Variants in MAP3K5 observed in about 807,000 individuals in gnomAD.
MAP3K5 encodes the protein ASK-1.
A neutral mutation model predicts 158.7 loss-of-function variants in MAP3K5; 56 were observed. The ratio of observed to expected loss-of-function variants is 0.35; its 90% CI spans 0.28 to 0.44. The LOEUF is 0.44. Ranked by LOEUF, MAP3K5 falls within the 20% of genes least tolerant of loss-of-function variation. The probability of loss-of-function intolerance (pLI) is 1.00; values close to 1 mark genes in which losing one functional copy is unlikely to be tolerated. For missense variants in MAP3K5, 1,294 were observed against 1,674.8 expected, an observed-to-expected ratio of 0.77 and a Z score of 3.97; for synonymous variants, 579 against 601.7, an observed-to-expected ratio of 0.96 and a Z score of 0.55.
At chr6:136,566,496 G>A (rs1316720710) in intron 26 of MAP3K5, among the ~76,000 whole-genome samples, 1 of 152,178 alleles carries the variant, frequency 6.6e-6, no homozygotes, top group Non-Finnish European at 1.5e-5. Context: ...TAACGATGGG[G>A]TGTTATCCTT....
intron 2 of MAP3K5, among the ~76,000 whole-genome samples, chr6:136,714,644 A>T (rs550045628): frequency 2.6e-5 from 4 of 152,310 alleles, no homozygotes; most frequent in African/African-American, 9.6e-5. Flanking sequence ...TTGGCTACTA[A>T]GAATAATGCT....
chr6:136,643,163 T>G (rs906986388), intron 11 of MAP3K5, among the ~76,000 whole-genome samples: 2 of 152,204 alleles, frequency 1.3e-5, no homozygotes, highest in Non-Finnish European at 2.9e-5. Context: ...CATCAAAAAT[T>G]TGATTGTCAT....
chr6:136,746,307 A>C (rs1366155060), intron 1 of MAP3K5, among the ~76,000 whole-genome samples: 1 of 152,124 alleles, frequency 6.6e-6, no homozygotes, highest in Non-Finnish European at 1.5e-5. Context: ...AGGAAAATAC[A>C]AATACGTTCA....
At chr6:136,786,407 G>T (rs1394104185) in intron 1 of MAP3K5, among the ~76,000 whole-genome samples, 1 of 151,136 alleles carries the variant, frequency 6.6e-6, no homozygotes, top group East Asian at 1.9e-4. Flanking sequence ...AAAAAATTTG[G>T]AAAGCTTCCC....
chr6:136,706,944 T>C (rs1304698394), intron 2 of MAP3K5, among the ~76,000 whole-genome samples: 1 of 152,194 alleles, frequency 6.6e-6, no homozygotes, highest in African/African-American at 2.4e-5. Context: ...GACTAGGAGT[T>C]TGAGGCCAGC....
At chr6:136,674,597 T>C (rs962486646) in intron 7 of MAP3K5, among the ~76,000 whole-genome samples, 1 of 152,024 alleles carries the variant, frequency 6.6e-6, no homozygotes, top group East Asian at 1.9e-4. Context: ...ATTATTGATA[T>C]AGCCCCAACT....
chr6:136,675,631 G>T (rs938317117), intron 7 of MAP3K5, among the ~76,000 whole-genome samples: 3 of 151,934 alleles, frequency 2.0e-5, no homozygotes, highest in African/African-American at 7.3e-5. Context: ...TAAAATGTCT[G>T]GGATGCAGAA....
intron 2 of MAP3K5, among the ~76,000 whole-genome samples, chr6:136,717,555 T>A (rs1313919123): frequency 6.6e-6 from 1 of 152,250 alleles, no homozygotes; most frequent in Non-Finnish European, 1.5e-5. Flanking sequence ...AGAGAAATGC[T>A]TTGTTTTTAT....
chr6:136,646,018 G>GT (rs562390555), intron 11 of MAP3K5, among the ~76,000 whole-genome samples: 83 of 152,080 alleles, frequency 5.5e-4, no homozygotes, highest in African/African-American at 1.9e-3. Context: ...TAATAATAAA[G>GT]TTTTTTTGTT....
intron 1 of MAP3K5, among the ~76,000 whole-genome samples, chr6:136,758,124 C>T (rs1222458803): frequency 2.0e-5 from 3 of 152,128 alleles, no homozygotes; most frequent in Admixed American, 1.3e-4. Flanking sequence ...GGAACAAATG[C>T]TATTTTGATT....
intron 2 of MAP3K5, among the ~76,000 whole-genome samples, chr6:136,705,597 T>C (rs1388200668): frequency 6.6e-6 from 1 of 152,138 alleles, no homozygotes; most frequent in African/African-American, 2.4e-5. Context: ...CGAGCCACGA[T>C]GCCCGGCCTA....
At chr6:136,565,750 A>G (rs918120276) in intron 26 of MAP3K5, among the ~76,000 whole-genome samples, 1 of 152,200 alleles carries the variant, frequency 6.6e-6, no homozygotes, top group Non-Finnish European at 1.5e-5. Flanking sequence ...CCTTATTTCA[A>G]TTACTTGGTT....
At position 136,627,822 on chromosome 6, in the gene MAP3K5, G is replaced by A. The variant is rs73556273; in HGVS notation, c.2017-4841C>T. 4.9e-3 allele frequency among the ~76,000 whole-genome samples: 740 copies of A among 152,228 alleles called. 7 individuals carry two copies. The highest frequency in any genetic ancestry group is 0.016 in the African/African-American group (653 of 41,528). Reference sequence around the variant, plus strand: ...CCAGCCTAAGGCATTTTGTTATAGCGGCCTGGATGGACCAAGACAATGCCC... The same window carrying A: ...CCAGCCTAAGGCATTTTGTTATAGCAGCCTGGATGGACCAAGACAATGCCC... On this transcript the variant is annotated intron_variant, in intron 14 of 29. Coordinates refer to ENST00000359015, the MANE Select transcript of MAP3K5 (RefSeq NM_005923.4).
chr6:136,622,938 C>A lies in MAP3K5; in HGVS notation c.2060G>T (p.Gly687Val). ...GTAGACTATCCCATAAGTGCCTTTT[C>A]CTAAAACGACTCTGTCACCATTTTC... ...YDENGDRVVL[G>V]KGTYGIVYAG... Residue 687 changes from glycine to valine, a missense_variant, in exon 15 of 30, where the codon GGA becomes GTA. This residue lies in a region of MAP3K5 where 690 missense variants were observed against 870.5 expected (regional missense o/e 0.79). Transcript: ENST00000359015. 2 of 1,607,648 alleles carry A rather than the reference C, an allele frequency of 1.2e-6. No individual in the cohort carries two copies. Among genetic ancestry groups the A allele is most frequent in the Non-Finnish European group, 1.7e-6 (2 of 1,175,050 alleles).
At chr6:136,676,419 C>A (rs79351403) in intron 7 of MAP3K5, among the ~76,000 whole-genome samples, 1 of 152,328 alleles carries the variant, frequency 6.6e-6, no homozygotes, top group Non-Finnish European at 1.5e-5. Flanking sequence ...CCACCTTAAA[C>A]AAGTGAATTG....
At chr6:136,598,945 T>C (rs1301959268) in intron 21 of MAP3K5, among the ~76,000 whole-genome samples, 2 of 152,150 alleles carry the variant, frequency 1.3e-5, no homozygotes, top group East Asian at 3.9e-4. Flanking sequence ...GCCGAGGTGG[T>C]AGATCACTTG....
At position 136,720,593 on chromosome 6, in the gene MAP3K5, CAAACAGA is replaced by C; in HGVS notation, c.449-11_449-5del. 1 of 1,603,246 alleles carries C rather than the reference CAAACAGA, an allele frequency of 6.2e-7. No individual in the cohort carries two copies. Among genetic ancestry groups the C allele is most frequent in the Non-Finnish European group, 8.5e-7 (1 of 1,175,340 alleles). ...CTCATCTCCACCACCGCAATATCTG[CAAACAGA>C]AAACAAAGTCCCCCAAAGAATGACA... On this transcript the variant is annotated splice_polypyrimidine_tract_variant and splice_region_variant and intron_variant, in intron 1 of 29. Transcript: ENST00000359015.
At chr6:136,699,682 G>A (rs1780760608) in intron 3 of MAP3K5, among the ~76,000 whole-genome samples, 1 of 152,184 alleles carries the variant, frequency 6.6e-6, no homozygotes, top group African/African-American at 2.4e-5. Flanking sequence ...TGGATACCCT[G>A]AGTAAGCAAA....
At chr6:136,717,873 C>T (rs898682309) in intron 2 of MAP3K5, among the ~76,000 whole-genome samples, 1 of 151,810 alleles carries the variant, frequency 6.6e-6, no homozygotes, top group Admixed American at 6.6e-5. Context: ...AATAAGAAAA[C>T]AGCAAAAGTT....
Sources: allele counts gnomAD v4.1 joint callset (sites outside exome capture counted in the v4.1 genomes callset), GRCh38; gene constraint gnomAD v4.1.1; regional missense constraint gnomAD v4.1.1; transcripts MANE v1.5; gene names NCBI Gene and HGNC (gene_info 2026-07-23, HGNC 2026-07-21).